Variants in GPC3 observed in about 807,000 individuals in gnomAD.
The protein encoded by GPC3 is glypican 3.
GPC3 carries 3 observed loss-of-function variants against 34.4 expected under a neutral mutation model. The ratio of observed to expected loss-of-function variants is 0.09; its 90% CI spans 0.04 to 0.23. GPC3 has a LOEUF of 0.23. Among genes scored for constraint, GPC3 ranks in the 10% least tolerant of loss-of-function variants. The pLI is 1.00. For missense variants in GPC3, 351 were observed against 445.6 expected, an observed-to-expected ratio of 0.79 and a Z score of 1.91; for synonymous variants, 177 against 174.0, an observed-to-expected ratio of 1.02 and a Z score of -0.13.
chrX:133,799,675 T>G (rs2075599491), intron 2 of GPC3, among the ~76,000 whole-genome samples: 1 of 111,709 alleles, frequency 9.0e-6, no homozygotes, highest in African/African-American at 3.3e-5. Context: ...AAGCTACAGT[T>G]TAGGCATTCC....
chrX:133,810,191 T>C (rs2075657422), intron 2 of GPC3, among the ~76,000 whole-genome samples: 1 of 112,279 alleles, frequency 8.9e-6, no homozygotes, highest in African/African-American at 3.2e-5. Context: ...TTGTCTAACC[T>C]TGTTGGTTAG....
intron 2 of GPC3, among the ~76,000 whole-genome samples, chrX:133,786,313 T>C (rs2072100487): frequency 9.0e-6 from 1 of 111,646 alleles, no homozygotes; most frequent in Non-Finnish European, 1.9e-5. Context: ...GAGAAGTGCT[T>C]GAATCTGGGA....
intron 2 of GPC3, among the ~76,000 whole-genome samples, chrX:133,913,913 C>A (rs1229173398): frequency 4.6e-5 from 5 of 107,748 alleles, no homozygotes; most frequent in African/African-American, 1.7e-4. Context: ...CAAGCCTCCT[C>A]AAGTTAAAGA....
chrX:133,876,161 C>T (rs548063395), intron 2 of GPC3, among the ~76,000 whole-genome samples: 1 of 112,172 alleles, frequency 8.9e-6, no homozygotes, highest in South Asian at 3.7e-4. Flanking sequence ...GATCATAATT[C>T]TTATGCAACT....
At chrX:133,553,277 T>C (rs1352323643) in intron 7 of GPC3, among the ~76,000 whole-genome samples, 2 of 111,347 alleles carry the variant, frequency 1.8e-5, no homozygotes, top group Non-Finnish European at 3.8e-5. Context: ...ACAGGCATCA[T>C]AGAAGTGTCA....
intron 7 of GPC3, among the ~76,000 whole-genome samples, chrX:133,545,106 T>C (rs2069372097): frequency 9.0e-6 from 1 of 110,794 alleles, no homozygotes; most frequent in Non-Finnish European, 1.9e-5. Context: ...CCATGGGAAA[T>C]GATGGGCCTA....
At chrX:133,925,923 A>C (rs928951379) in intron 2 of GPC3, among the ~76,000 whole-genome samples, 2 of 111,578 alleles carry the variant, frequency 1.8e-5, no homozygotes, top group African/African-American at 6.5e-5. Context: ...GTGGGCCAAC[A>C]AACATAAGAA....
At chrX:133,897,718 T>C (rs781193659) in intron 2 of GPC3, among the ~76,000 whole-genome samples, 2 of 111,276 alleles carry the variant, frequency 1.8e-5, no homozygotes, top group Non-Finnish European at 3.8e-5. Flanking sequence ...CAAATCACTT[T>C]AGCCTCAAAT....
chrX:133,810,963 A>T (rs1346132690), intron 2 of GPC3, among the ~76,000 whole-genome samples: 1 of 110,217 alleles, frequency 9.1e-6, no homozygotes, highest in Non-Finnish European at 1.9e-5. Flanking sequence ...CTTTCAAAGG[A>T]GGGAACACTA....
chrX:133,811,185 G>A (rs1484943223), intron 2 of GPC3, among the ~76,000 whole-genome samples: 1 of 112,075 alleles, frequency 8.9e-6, no homozygotes, highest in Non-Finnish European at 1.9e-5. Flanking sequence ...ACTTCTAAAT[G>A]TAAGTTTTGT....
chrX:133,666,667 T>G (rs1171325356), intron 5 of GPC3, among the ~76,000 whole-genome samples: 1 of 112,347 alleles, frequency 8.9e-6, no homozygotes, highest in Non-Finnish European at 1.9e-5. Flanking sequence ...AACCAAATTT[T>G]AAAAGTAATC....
At chrX:133,726,828 A>C (rs2071413233) in intron 3 of GPC3, among the ~76,000 whole-genome samples, 1 of 112,278 alleles carries the variant, frequency 8.9e-6, no homozygotes, top group South Asian at 3.7e-4. Context: ...TCTTCCTATC[A>C]GGAAACTCCC....
chrX:133,753,820 C>A lies in GPC3; in HGVS notation c.694G>T (p.Ala232Ser). Residue 232 changes from alanine (A) to serine (S), a missense_variant, in exon 3 of 8, where the codon GCT (alanine) becomes TCT (serine). Physicochemically the swap from Ala to Ser is moderately conservative, Grantham distance 99. Coordinates refer to ENST00000370818, the MANE Select transcript of GPC3 (RefSeq NM_004484.4). ...ATCACTTCAATTCCAAGATTCAGAGCCTGAAGGAAGATCCTAGTGACTTGC... is the reference window on the plus strand; with the variant it reads ...ATCACTTCAATTCCAAGATTCAGAGACTGAAGGAAGATCCTAGTGACTTGC... ...SLQVTRIFLQALNLGIEVINT... is the reference protein window; with the variant it reads ...SLQVTRIFLQSLNLGIEVINT... 2 of 1,210,979 alleles carry A rather than the reference C, an allele frequency of 1.7e-6. No individual in the cohort carries two copies. The highest frequency in any genetic ancestry group is 2.2e-6 in the Non-Finnish European group (2 of 894,893).
chrX:133,620,475 AAGG>A (rs1403529617), intron 6 of GPC3, among the ~76,000 whole-genome samples: 1 of 110,897 alleles, frequency 9.0e-6, no homozygotes, highest in Non-Finnish European at 1.9e-5. Flanking sequence ...TGAGATATAC[AAGG>A]AGAAGAGCCA....
chrX:133,889,834 T>C lies in GPC3; in HGVS notation c.337+63216A>G, dbSNP rs909258025. ...TATTACCTACGATTCTAGCCTTCTT[T>C]TTTTTTTTTTTTTTTTTTTGAGACA... On this transcript the variant is annotated intron_variant, in intron 2 of 7. Transcript: ENST00000370818. Among the ~76,000 whole-genome samples the C allele has an allele frequency of 1.8e-3, 177 of 96,011 alleles. 1 individual carries two copies. Among genetic ancestry groups the C allele is most frequent in the African/African-American group, 6.5e-3 (171 of 26,392 alleles). The allele number at this position is 96,011 out of a possible 115,157, so 83.4% of individuals were successfully genotyped here.
intron 2 of GPC3, among the ~76,000 whole-genome samples, chrX:133,781,568 G>A (rs774132316): frequency 8.9e-6 from 1 of 112,483 alleles, no homozygotes; most frequent in East Asian, 2.8e-4. Context: ...GTGAACTCCA[G>A]ATAGTTTGGC....
chrX:133,797,950 C>G (rs868548199), intron 2 of GPC3, among the ~76,000 whole-genome samples: 14 of 111,695 alleles, frequency 1.3e-4, no homozygotes, highest in African/African-American at 4.2e-4. Flanking sequence ...AAAAAATGCT[C>G]TCTTTCTGAA....
intron 2 of GPC3, among the ~76,000 whole-genome samples, chrX:133,804,814 A>G (rs1378307881): frequency 9.0e-6 from 1 of 111,074 alleles, no homozygotes; most frequent in Non-Finnish European, 1.9e-5. Context: ...AATGAATCCT[A>G]GGTGGTGGTG....
At chrX:133,841,731 G>A (rs1203697501) in intron 2 of GPC3, among the ~76,000 whole-genome samples, 1 of 111,821 alleles carries the variant, frequency 8.9e-6, no homozygotes, top group Admixed American at 9.5e-5. Context: ...GTCTGTGTGG[G>A]TGTTGCCAAA....
Sources: allele counts gnomAD v4.1 joint callset (sites outside exome capture counted in the v4.1 genomes callset), GRCh38; gene constraint gnomAD v4.1.1; transcripts MANE v1.5; gene names NCBI Gene and HGNC (gene_info 2026-07-23, HGNC 2026-07-21).